CCDC178: variants seen among roughly 807,000 people sequenced by gnomAD.
CCDC178 encodes coiled-coil domain containing 178, also known as coiled-coil domain-containing protein 178.
A neutral mutation model predicts 117.4 loss-of-function variants in CCDC178; 126 were observed. The observed-to-expected ratio is 1.07, with a 90% CI of 0.93 to 1.24. The LOEUF (loss-of-function observed/expected upper bound fraction) is 1.24, where lower values mean the gene tolerates loss of function less well. CCDC178 is among the 50% of genes most tolerant of loss of function. CCDC178 has a pLI of 0.00. For synonymous variants in CCDC178, 283 were observed against 313.4 expected (o/e 0.90, Z 1.02); for missense variants, 1,030 against 986.9 (o/e 1.04, Z -0.59).
chr18:33,041,423 T>C (rs1375197597), intron 21 of CCDC178, among the ~76,000 whole-genome samples: 1 of 150,642 alleles, frequency 6.6e-6, no homozygotes, highest in East Asian at 1.9e-4. Flanking sequence ...ACATTTTATA[T>C]AATGTATAAT....
intron 22 of CCDC178, among the ~76,000 whole-genome samples, chr18:32,960,565 C>T (rs1247353419): frequency 6.6e-6 from 1 of 152,092 alleles, no homozygotes; most frequent in Admixed American, 6.6e-5. Context: ...AGTCTAGGTT[C>T]TATACGCTAA....
chr18:33,395,580 A>T (rs1350681800), intron 4 of CCDC178, among the ~76,000 whole-genome samples: 1 of 152,098 alleles, frequency 6.6e-6, no homozygotes, highest in Non-Finnish European at 1.5e-5. Flanking sequence ...TTAAATTTGC[A>T]GATTAGGTTT....
At chr18:33,155,722 G>C (rs924335075) in intron 20 of CCDC178, among the ~76,000 whole-genome samples, 1 of 152,244 alleles carries the variant, frequency 6.6e-6, no homozygotes. Context: ...TTAAAGAGAG[G>C]ATGATCTGTA....
intron 20 of CCDC178, among the ~76,000 whole-genome samples, chr18:33,201,560 C>T (rs1013377077): frequency 9.2e-5 from 14 of 152,176 alleles, no homozygotes; most frequent in Non-Finnish European, 2.1e-4. Context: ...CTCTGCCAGC[C>T]TGGAGCACAG....
intron 21 of CCDC178, among the ~76,000 whole-genome samples, chr18:33,012,833 A>G (rs545247253): frequency 6.6e-6 from 1 of 152,340 alleles, no homozygotes; most frequent in African/African-American, 2.4e-5. Flanking sequence ...TAGGAATAAA[A>G]AATGATTGAG....
intron 21 of CCDC178, among the ~76,000 whole-genome samples, chr18:32,997,676 T>C (rs925798530): frequency 6.6e-6 from 1 of 152,144 alleles, no homozygotes; most frequent in Non-Finnish European, 1.5e-5. Flanking sequence ...TATATATGTA[T>C]ATCATACATA....
At position 33,293,231 on chromosome 18, in the gene CCDC178, C is replaced by T. The variant is rs138698300; in HGVS notation, c.1104G>A (p.Lys368=). 6.3e-7 allele frequency: 1 copy of T among 1,582,710 alleles called. No homozygotes were observed. Among genetic ancestry groups the T allele is most frequent in the South Asian group, 1.1e-5 (1 of 88,906 alleles). ...VINVNTNIEE[K]EEEVTEAIRE... ...TTATTGCTTCAGTCACTTCCTCTTC[C>T]TTCTCCTCAATATTAGTATTAACAT... The change falls in exon 12 of 23, where the codon AAG becomes AAA. Residue 368 remains lysine, a synonymous_variant. Coordinates refer to ENST00000383096, the MANE Select transcript of CCDC178 (RefSeq NM_001105528.4).
At chr18:32,986,485 T>C (rs2055266326) in intron 21 of CCDC178, among the ~76,000 whole-genome samples, 1 of 152,032 alleles carries the variant, frequency 6.6e-6, no homozygotes. Context: ...TATTAATACA[T>C]AGTAGAAACA....
At chr18:33,042,679 G>C (rs2056571377) in intron 21 of CCDC178, among the ~76,000 whole-genome samples, 1 of 151,790 alleles carries the variant, frequency 6.6e-6, no homozygotes, top group Non-Finnish European at 1.5e-5. Context: ...GTGGTTACTA[G>C]GTGAATTTTA....
chr18:32,939,456 G>A (rs1206054252), intron 22 of CCDC178, among the ~76,000 whole-genome samples: 3 of 152,132 alleles, frequency 2.0e-5, no homozygotes, highest in African/African-American at 7.2e-5. Flanking sequence ...GAAGTCCTAT[G>A]AGAATAGTCA....
chr18:33,171,225 A>C (rs142331481), intron 20 of CCDC178, among the ~76,000 whole-genome samples: 11 of 152,330 alleles, frequency 7.2e-5, no homozygotes, highest in African/African-American at 2.6e-4. Flanking sequence ...ATAAGCCTAC[A>C]TATCCTAGCA....
intron 20 of CCDC178, among the ~76,000 whole-genome samples, chr18:33,157,596 TAC>T (rs1486930211): frequency 2.6e-5 from 4 of 152,262 alleles, no homozygotes; most frequent in East Asian, 1.9e-4. Flanking sequence ...TTTAAAAAAA[TAC>T]ACAGACATAG....
At chr18:33,132,724 T>C (rs1465730371) in intron 20 of CCDC178, among the ~76,000 whole-genome samples, 1 of 151,720 alleles carries the variant, frequency 6.6e-6, no homozygotes, top group Non-Finnish European at 1.5e-5. Flanking sequence ...CTAAATAGTG[T>C]TAATAATATA....
At chr18:33,425,937 T>G (rs1165428926) in intron 2 of CCDC178, among the ~76,000 whole-genome samples, 2 of 152,210 alleles carry the variant, frequency 1.3e-5, no homozygotes, top group Non-Finnish European at 2.9e-5. Context: ...TTTTCGTTTT[T>G]TCATCTCATC....
chr18:33,052,900 T>A (rs2056769405), intron 21 of CCDC178, among the ~76,000 whole-genome samples: 1 of 152,228 alleles, frequency 6.6e-6, no homozygotes, highest in Non-Finnish European at 1.5e-5. Context: ...CATTTCTTCA[T>A]CTTCAGAAAA....
intron 21 of CCDC178, among the ~76,000 whole-genome samples, chr18:33,089,683 C>T (rs540459899): frequency 7.2e-5 from 11 of 152,182 alleles, no homozygotes; most frequent in Non-Finnish European, 1.5e-4. Flanking sequence ...TGCGTGCTTG[C>T]TTAACTTACC....
intron 21 of CCDC178, among the ~76,000 whole-genome samples, chr18:33,007,005 T>C (rs947580798): frequency 6.6e-6 from 1 of 152,136 alleles, no homozygotes; most frequent in Non-Finnish European, 1.5e-5. Flanking sequence ...TCTGTTTATG[T>C]ATCTGATATG....
chr18:33,026,192 G>A (rs763560360), intron 21 of CCDC178, among the ~76,000 whole-genome samples: 5 of 152,060 alleles, frequency 3.3e-5, no homozygotes, highest in African/African-American at 7.2e-5. Context: ...ATTAGTGGTT[G>A]CCAGGTAAAG....
At chr18:33,375,386 A>G (rs899296013) in intron 5 of CCDC178, among the ~76,000 whole-genome samples, 1 of 152,106 alleles carries the variant, frequency 6.6e-6, no homozygotes, top group Non-Finnish European at 1.5e-5. Context: ...TTAACTAAAC[A>G]GCTTTAGACT....
Sources: allele counts gnomAD v4.1 joint callset (sites outside exome capture counted in the v4.1 genomes callset), GRCh38; gene constraint gnomAD v4.1.1; transcripts MANE v1.5; gene names NCBI Gene and HGNC (gene_info 2026-07-23, HGNC 2026-07-21).